The following PDE5A variants were observed in gnomAD, a reference collection of about 807,000 sequenced individuals.
The protein encoded by PDE5A is cGMP-specific 3',5'-cyclic phosphodiesterase.
A neutral mutation model predicts 110.2 loss-of-function variants in PDE5A; 67 were observed. The observed-to-expected ratio is 0.61, with a 90% CI of 0.50 to 0.75. The LOEUF is 0.75. Among genes scored for constraint, PDE5A ranks in the 30% least tolerant of loss-of-function variants. The probability of loss-of-function intolerance (pLI) is 0.00; values close to 1 mark genes in which losing one functional copy is unlikely to be tolerated. For missense variants in PDE5A, 862 were observed against 1,045.1 expected (o/e 0.82, Z 2.42); for synonymous variants, 328 against 351.2 (o/e 0.93, Z 0.74).
intron 6 of PDE5A, among the ~76,000 whole-genome samples, chr4:119,560,772 C>T (rs1232142369): frequency 6.6e-6 from 1 of 152,114 alleles, no homozygotes; most frequent in Non-Finnish European, 1.5e-5. Context: ...TTCAGTAATA[C>T]TTTATGTGAT....
chr4:119,573,174 T>G, intron 3 of PDE5A, among the ~76,000 whole-genome samples: 1 of 152,242 alleles, frequency 6.6e-6, no homozygotes. Context: ...ATGTTTGGGT[T>G]GTTTGCAACT....
chr4:119,538,643 T>C, intron 11 of PDE5A: 1 of 272,970 alleles, frequency 3.7e-6, no homozygotes, highest in South Asian at 4.7e-5. Flanking sequence ...ATTGTTTTGT[T>C]ATTACCCTAG....
At chr4:119,546,092 C>T (rs1461269237) in intron 9 of PDE5A, among the ~76,000 whole-genome samples, 1 of 152,068 alleles carries the variant, frequency 6.6e-6, no homozygotes, top group Non-Finnish European at 1.5e-5. Flanking sequence ...AGATGTATTA[C>T]ATTTAATCTT....
chr4:119,546,617 T>C (rs1727137687), intron 9 of PDE5A, among the ~76,000 whole-genome samples: 1 of 152,152 alleles, frequency 6.6e-6, no homozygotes, highest in African/African-American at 2.4e-5. Context: ...TACCAATGTT[T>C]GTAAATGTTG....
At chr4:119,579,093 C>A (rs1728492876) in intron 3 of PDE5A, among the ~76,000 whole-genome samples, 1 of 152,056 alleles carries the variant, frequency 6.6e-6, no homozygotes, top group South Asian at 2.1e-4. Context: ...AAAAAATGCT[C>A]ATCATCACTG....
chr4:119,550,541 C>T (rs1223014368), intron 9 of PDE5A: 2 of 152,212 alleles, frequency 1.3e-5, no homozygotes, highest in African/African-American at 4.8e-5. Flanking sequence ...TGTCGTCTAA[C>T]TCGCTCTCAT....
chr4:119,534,393 T>C (rs1219144836), intron 11 of PDE5A, among the ~76,000 whole-genome samples: 1 of 152,076 alleles, frequency 6.6e-6, no homozygotes, highest in Non-Finnish European at 1.5e-5. Context: ...ATGAGAACTG[T>C]ACATGTGAGG....
At chr4:119,610,115 C>T (rs1042878702) in intron 1 of PDE5A, among the ~76,000 whole-genome samples, 1 of 152,158 alleles carries the variant, frequency 6.6e-6, no homozygotes, top group Non-Finnish European at 1.5e-5. Context: ...TTCATAGATG[C>T]ATGCTGTGAC....
chr4:119,553,699 T>C lies in PDE5A; in HGVS notation c.1247A>G (p.Lys416Arg), dbSNP rs772299846. 6.2e-7 allele frequency: 1 copy of C among 1,601,590 alleles called. No homozygotes were observed. The highest frequency in any genetic ancestry group is 1.1e-5 in the South Asian group (1 of 90,788). ...KINYMYAQYV[K>R]NTMEPLNIPD... ...GATATTAAGTGGTTCCATAGTATTT[T>C]TGACATACTGAGCATACATGTAATT... is the stretch of plus-strand genomic sequence containing the variant. The change falls in exon 8 of 21, where the codon AAA becomes AGA. Residue 416 changes from lysine (K) to arginine (R), a missense_variant. Coordinates refer to ENST00000354960, the MANE Select transcript of PDE5A (RefSeq NM_001083.4).
intron 11 of PDE5A, chr4:119,528,621 C>A (rs1354769229): frequency 6.6e-6 from 1 of 152,104 alleles, no homozygotes; most frequent in Non-Finnish European, 1.5e-5. Context: ...TCACCCTGAA[C>A]AAGATGTTCA....
At chr4:119,623,262 C>T (rs974190692) in intron 1 of PDE5A, among the ~76,000 whole-genome samples, 15 of 152,206 alleles carry the variant, frequency 9.9e-5, no homozygotes, top group African/African-American at 3.6e-4. Context: ...TGCAGCTAAA[C>T]TAATTTCATA....
intron 3 of PDE5A, among the ~76,000 whole-genome samples, chr4:119,595,884 T>C (rs1189746713): frequency 6.6e-6 from 1 of 152,206 alleles, no homozygotes; most frequent in East Asian, 1.9e-4. Flanking sequence ...CTTTTAGACT[T>C]CTCCAGTTGG....
At chr4:119,507,823 C>T (rs1725606070) in intron 15 of PDE5A, 119 bp from the exon 16 acceptor site, 2 of 670,500 alleles carry the variant, frequency 3.0e-6, no homozygotes, top group Non-Finnish European at 5.1e-6. Flanking sequence ...ATGTGGAGGA[C>T]ACACTTAAAT....
At chr4:119,626,131 A>G (rs983228264) in intron 1 of PDE5A, among the ~76,000 whole-genome samples, 4 of 152,226 alleles carry the variant, frequency 2.6e-5, no homozygotes, top group African/African-American at 9.7e-5. Context: ...CATCAACTGT[A>G]ATTTAAAAAC....
chr4:119,574,179 C>CTTTTTTTTTT (rs70944893), intron 3 of PDE5A, among the ~76,000 whole-genome samples: 1 of 89,176 alleles, frequency 1.1e-5, no homozygotes, highest in Non-Finnish European at 1.9e-5. Context: ...AAAATATAGG[C>CTTTTTTTTTT]TTTTTTTTTT....
intron 2 of PDE5A, among the ~76,000 whole-genome samples, chr4:119,599,709 GTA>G (rs943627097): frequency 6.1e-5 from 5 of 82,010 alleles, no homozygotes; most frequent in Non-Finnish European, 9.7e-5. Context: ...TATCAAGTGT[GTA>G]TACACACACA....
chr4:119,514,784 T>C (rs891271012), intron 14 of PDE5A, among the ~76,000 whole-genome samples: 3 of 152,216 alleles, frequency 2.0e-5, no homozygotes, highest in Non-Finnish European at 2.9e-5. Flanking sequence ...GCATTTAACA[T>C]GTGCCAGGAA....
intron 14 of PDE5A, among the ~76,000 whole-genome samples, chr4:119,516,678 C>T (rs994496714): frequency 2.0e-5 from 3 of 152,128 alleles, no homozygotes; most frequent in African/African-American, 4.8e-5. Flanking sequence ...GCATCAGTGG[C>T]GAGATCACAG....
chr4:119,545,476 T>A (rs1727101322), intron 9 of PDE5A, among the ~76,000 whole-genome samples: 1 of 152,174 alleles, frequency 6.6e-6, no homozygotes, highest in Non-Finnish European at 1.5e-5. Context: ...AACCCATTAA[T>A]AAGTGCAATC....
Sources: gnomAD v4.1 joint callset for allele counts (sites outside exome capture counted in the v4.1 genomes callset) on GRCh38, gnomAD v4.1.1 for gene constraint, MANE v1.5 for transcripts, NCBI Gene and HGNC (gene_info 2026-07-23, HGNC 2026-07-21) for gene names.